The following CHD8 variants were observed in gnomAD, a reference collection of about 807,000 sequenced individuals.
The protein encoded by CHD8 is ATP-dependent chromatin remodeler CHD8.
Under a neutral mutation model 279.2 loss-of-function variants are expected in CHD8, and 31 were observed. That is an observed-to-expected ratio of 0.11 (90% CI 0.08 to 0.15). The LOEUF (loss-of-function observed/expected upper bound fraction) is 0.15, where lower values mean the gene tolerates loss of function less well. Ranked by LOEUF, CHD8 falls within the 10% of genes least tolerant of loss-of-function variation. The pLI is 1.00. For missense variants in CHD8, 2,146 were observed against 3,230.5 expected (o/e 0.66, Z 8.14); for synonymous variants, 1,081 against 1,139.6 (o/e 0.95, Z 1.04).
In CHD8 at chr14:21,397,536, A is replaced by G. The variant is rs941361391; in HGVS notation, c.5051+287T>C. 4.9e-5 allele frequency: 19 copies of G among 386,740 alleles called. No individual in the cohort carries two copies. The East Asian group carries it at 1.2e-3, about 24-fold the overall frequency. The allele number at this position is 386,740 out of a possible 1,614,324, so 24.0% of individuals were successfully genotyped here. ...GCTGGCTGTTATCTTTCAAGAGACC[A>G]GTTATCCTCTCAGCTACTGTAGCTG... On this transcript the variant is annotated intron_variant, in intron 27 of 37. Coordinates refer to ENST00000646647, the MANE Select transcript of CHD8 (RefSeq NM_001170629.2).
At position 21,393,743 on chromosome 14, in the gene CHD8, T is replaced by C. The variant is rs1402883730; in HGVS notation, c.6052A>G (p.Ser2018Gly). The change falls in exon 32 of 38, where the codon AGT (serine) becomes GGT (glycine). Residue 2018 changes from serine to glycine, a missense_variant. Physicochemically the swap from Ser to Gly is moderately conservative, Grantham distance 56. This residue lies in a region of CHD8 where 513 missense variants were observed against 637.6 expected (regional missense o/e 0.80). Coordinates refer to ENST00000646647, the MANE Select transcript of CHD8 (RefSeq NM_001170629.2). Reference sequence around the variant, plus strand: ...AGCTTTAAAGTCAGACTCTCCAGACTGGGGACCTGGGTAGCTGTCTCCTCG... The same window carrying C: ...AGCTTTAAAGTCAGACTCTCCAGACCGGGGACCTGGGTAGCTGTCTCCTCG... The part of the protein sequence containing the change: ...SPEETATQVP[S>G]LESLTLKLEH... 6.2e-7 allele frequency: 1 copy of C among 1,613,902 alleles called. No homozygotes were observed. The highest frequency in any genetic ancestry group is 1.1e-5 in the South Asian group (1 of 91,076).
At chr14:21,413,068 C>T (rs1888569772) in intron 9 of CHD8, 72 bp from the exon 10 acceptor site, 1 of 873,644 alleles carries the variant, frequency 1.1e-6, no homozygotes, top group Non-Finnish European at 1.9e-6. Context: ...TCTACCTCAC[C>T]TTTAGCAGAG....
chr14:21,429,420 G>C, intron 2 of CHD8, 85 bp from the exon 3 acceptor site: 1 of 1,386,248 alleles, frequency 7.2e-7, no homozygotes, highest in Non-Finnish European at 1.0e-6. Flanking sequence ...CTTCATGCTA[G>C]AATCATAAAA....
Position 21,402,860 on chromosome 14 carries a change from G to A in CHD8, c.3714+157C>T, listed in dbSNP as rs1004952059. ...AGCCTAAAACATTTACTGTCTTGTCGTTTACAGAAAACGTTTGCTGATTCC... is the reference window on the plus strand; with the variant it reads ...AGCCTAAAACATTTACTGTCTTGTCATTTACAGAAAACGTTTGCTGATTCC... On this transcript the variant is annotated intron_variant, in intron 18 of 37. Coordinates refer to ENST00000646647, the MANE Select transcript of CHD8 (RefSeq NM_001170629.2). The surrounding 1 kb of genome is among the most constrained non-coding windows in gnomAD (Gnocchi z 4.5). Among the ~76,000 whole-genome samples, 1 of 152,184 alleles carries A rather than the reference G, an allele frequency of 6.6e-6. No homozygotes were observed. Among genetic ancestry groups the A allele is most frequent in the African/African-American group, 2.4e-5 (1 of 41,446 alleles).
At chr14:21,397,781 G>A (rs374300389) in intron 27 of CHD8, 42 bp downstream of exon 27, 25 of 1,592,794 alleles carry the variant, frequency 1.6e-5, no homozygotes, top group African/African-American at 8.1e-5. Context: ...GTTATTTCAC[G>A]GCACAAGTTA....
intron 1 of CHD8, among the ~76,000 whole-genome samples, chr14:21,436,427 G>A (rs1231259538): frequency 1.3e-5 from 2 of 152,216 alleles, no homozygotes; most frequent in Non-Finnish European, 2.9e-5. Flanking sequence ...GAGACACGAA[G>A]GGTCTCAAAT....
rs1160633613 is a variant in CHD8 at position 21,429,000 on chromosome 14, T to G, written c.1179A>C (p.Arg393Ser). Reference protein sequence around the residue: ...IMGPGQSPGQRLSVPVKVVLQ... With the variant: ...IMGPGQSPGQSLSVPVKVVLQ... ...GTACCACCTTGACTGGTACTGAAAG[T>G]CTTTGTCCTGGGCTTTGTCCTGGTC... The change falls in exon 3 of 38, where the codon AGA becomes AGC. Residue 393 changes from arginine to serine, a missense_variant. Arg to Ser is a moderately radical substitution (Grantham distance 110). Around this residue, in one of 26 missense-constraint regions of CHD8, gnomAD observed 170 missense variants for 189.9 expected, o/e 0.90. Coordinates refer to ENST00000646647, the MANE Select transcript of CHD8 (RefSeq NM_001170629.2). The G allele has an allele frequency of 1.2e-6, 2 of 1,613,872 alleles. No homozygotes were observed. The highest frequency in any genetic ancestry group is 1.7e-6 in the Non-Finnish European group (2 of 1,179,890).
intron 1 of CHD8, among the ~76,000 whole-genome samples, chr14:21,453,524 T>TA (rs1441583485): frequency 1.3e-5 from 2 of 151,862 alleles, no homozygotes; most frequent in African/African-American, 4.9e-5. Context: ...ATGCTAAAGG[T>TA]AAAATAGTAA....
At chr14:21,455,468 C>T (rs1566460473) in intron 1 of CHD8, among the ~76,000 whole-genome samples, 2 of 152,138 alleles carry the variant, frequency 1.3e-5, no homozygotes, top group Non-Finnish European at 1.5e-5. Context: ...TCCTCTCTTC[C>T]CACCATCTCT....
intron 1 of CHD8, among the ~76,000 whole-genome samples, chr14:21,448,515 C>T (rs572269770): frequency 1.4e-4 from 21 of 152,260 alleles, no homozygotes; most frequent in African/African-American, 5.1e-4. Context: ...ACCTACCTGT[C>T]TAGTGCTGTG....
At chr14:21,441,859 A>C (rs1010606668) in intron 1 of CHD8, among the ~76,000 whole-genome samples, 2 of 151,766 alleles carry the variant, frequency 1.3e-5, no homozygotes, top group Non-Finnish European at 1.5e-5. Context: ...ACTGCACTCC[A>C]GCCTGGGTGA....
chr14:21,396,156 C>T (rs1887774329), intron 27 of CHD8, among the ~76,000 whole-genome samples: 1 of 151,854 alleles, frequency 6.6e-6, no homozygotes. Context: ...GCCACCGCAC[C>T]CGGCTAATTT....
chr14:21,424,259 T>C (rs1889195864), intron 5 of CHD8, among the ~76,000 whole-genome samples: 1 of 152,202 alleles, frequency 6.6e-6, no homozygotes, highest in African/African-American at 2.4e-5. Flanking sequence ...ATTTATTGAA[T>C]AATCTTTTTC....
intron 5 of CHD8, 197 bp downstream of exon 5, chr14:21,425,931 T>C (rs999482436): frequency 3.7e-6 from 2 of 544,302 alleles, no homozygotes; most frequent in Admixed American, 7.0e-5. Flanking sequence ...AGCAAGACTC[T>C]GTCTCAAGAA....
chr14:21,401,291 A>G (rs1888024605), intron 21 of CHD8, 112 bp downstream of exon 21: 1 of 774,866 alleles, frequency 1.3e-6, no homozygotes, highest in Admixed American at 3.0e-5. Context: ...GCCCTTGTAT[A>G]CAATACACCA....
intron 1 of CHD8, among the ~76,000 whole-genome samples, chr14:21,438,619 G>A (rs1566451836): frequency 6.6e-6 from 1 of 151,578 alleles, no homozygotes; most frequent in Non-Finnish European, 1.5e-5. Context: ...CAGACCACAA[G>A]GTCAAGAGAT....
chr14:21,402,440 G>A lies in CHD8; in HGVS notation c.3778C>T (p.Arg1260Cys). The part of the protein sequence containing the change: ...KAVKVYRLIT[R>C]NSYEREMFDK... ...AACATCTCTCTCTCGTAGGAATTAC[G>A]AGTGATGAGGCGGTACACCTTCACA... Residue 1260 changes from arginine (R) to cysteine (C), a missense_variant, in exon 19 of 38, where the codon CGT becomes TGT. Arg to Cys is a radical substitution (Grantham distance 180, BLOSUM62 -3). This residue lies in a region of CHD8 where 35 missense variants were observed against 82.4 expected (regional missense o/e 0.42). Coordinates refer to ENST00000646647, the MANE Select transcript of CHD8 (RefSeq NM_001170629.2). This position sits in a 1 kb window ranked among gnomAD's most constrained non-coding sequence, Gnocchi z 4.5. The A allele has an allele frequency of 6.2e-7, 1 of 1,614,126 alleles. No homozygotes were observed. The highest frequency in any genetic ancestry group is 1.7e-5 in the Admixed American group (1 of 60,018).
Position 21,406,951 on chromosome 14 carries a change from G to A in CHD8, c.2812C>T (p.Arg938Cys), listed in dbSNP as rs763248373. ...EMILSDCPEL[R>C]EIEWRCVIID... ...ATAACACAACGCCATTCAATTTCAC[G>A]AAGCTCAGGACAATCTGACAAAATC... The change falls in exon 14 of 38, where the codon CGT (arginine) becomes TGT (cysteine). Residue 938 changes from arginine (R) to cysteine (C), a missense_variant. Physicochemically the swap from Arg to Cys is radical, Grantham distance 180 (BLOSUM62 -3). This residue lies in a region of CHD8 where 211 missense variants were observed against 464.7 expected (regional missense o/e 0.45). Transcript: ENST00000646647. 38 of 1,611,456 alleles carry A rather than the reference G, an allele frequency of 2.4e-5. No individual in the cohort carries two copies. Among genetic ancestry groups the A allele is most frequent in the Non-Finnish European group, 3.0e-5 (35 of 1,178,788 alleles).
chr14:21,434,743 T>A (rs911409260), intron 1 of CHD8, among the ~76,000 whole-genome samples: 1 of 152,214 alleles, frequency 6.6e-6, no homozygotes, highest in Non-Finnish European at 1.5e-5. Flanking sequence ...CTCATATTTT[T>A]ATGCTAGTTT....
Sources: allele counts gnomAD v4.1 joint callset (sites outside exome capture counted in the v4.1 genomes callset), GRCh38; gene constraint gnomAD v4.1.1; regional missense constraint gnomAD v4.1.1; non-coding constraint Gnocchi (gnomAD v3.1); transcripts MANE v1.5; gene names NCBI Gene and HGNC (gene_info 2026-07-23, HGNC 2026-07-21).